Variants in ERCC8 observed in about 807,000 individuals in gnomAD.
ERCC8 encodes ERCC excision repair 8, CSA ubiquitin ligase complex subunit.
In ERCC8, 52 loss-of-function variants were observed where a neutral mutation model predicts 54.9. That is an observed-to-expected ratio of 0.95 (90% CI 0.76 to 1.19). The LOEUF is 1.19. Ranked by LOEUF, ERCC8 falls within the 50% of genes most tolerant of loss-of-function variation. The probability of loss-of-function intolerance (pLI) is 0.00; values close to 1 mark genes in which losing one functional copy is unlikely to be tolerated. For missense variants in ERCC8, 514 were observed against 466.1 expected (o/e 1.10, Z -0.95); for synonymous variants, 146 against 157.2 (o/e 0.93, Z 0.53).
intron 7 of ERCC8, among the ~76,000 whole-genome samples, chr5:60,901,252 C>G (rs4647110): frequency 0.024 from 3,653 of 152,032 alleles, 62 homozygotes; most frequent in Non-Finnish European, 0.037. Context: ...CTCCTACAAG[C>G]CTTTTTGTGA....
At chr5:60,901,117 ATTC>A (rs1035789862) in intron 7 of ERCC8, among the ~76,000 whole-genome samples, 4 of 151,910 alleles carry the variant, frequency 2.6e-5, no homozygotes, top group East Asian at 1.9e-4. Context: ...TTTCGTAATA[ATTC>A]TTCTTCTACT....
intron 10 of ERCC8, among the ~76,000 whole-genome samples, chr5:60,890,327 G>A (rs1748510414): frequency 6.6e-6 from 1 of 152,146 alleles, no homozygotes; most frequent in Admixed American, 6.5e-5. Flanking sequence ...ATTTAAAGAA[G>A]TGCATGAGGT....
chr5:60,906,958 C>T (rs1395915426), intron 4 of ERCC8, among the ~76,000 whole-genome samples: 1 of 152,042 alleles, frequency 6.6e-6, no homozygotes, highest in African/African-American at 2.4e-5. Context: ...TATTTGTGTC[C>T]AAAACCTACT....
chr5:60,928,915 A>G lies in ERCC8; in HGVS notation c.122T>C (p.Ile41Thr). 2 of 1,609,934 alleles carry G rather than the reference A, an allele frequency of 1.2e-6. No homozygotes were observed. The highest frequency in any genetic ancestry group is 1.7e-6 in the Non-Finnish European group (2 of 1,177,222). ...ELNKDRDVER[I>T]HGGGINTLDI... ...AAGGGTGTTAATTCCACCGCCGTGGATTCTTTCAACATCTCTGTCTTTATT... is the reference window on the plus strand; with the variant it reads ...AAGGGTGTTAATTCCACCGCCGTGGGTTCTTTCAACATCTCTGTCTTTATT... Residue 41 changes from isoleucine to threonine, a missense_variant, in exon 2 of 12, where the codon ATC becomes ACC. Ile to Thr is a moderately conservative substitution (Grantham distance 89, BLOSUM62 -1). Coordinates refer to ENST00000676185, the MANE Select transcript of ERCC8 (RefSeq NM_000082.4).
At position 60,934,867 on chromosome 5, in the gene ERCC8, T is replaced by C. The variant is rs138752856; in HGVS notation, c.78-5908A>G. On this transcript the variant is annotated intron_variant, in intron 1 of 11. Transcript: ENST00000676185. ...TTTGTTTGCTTTGCTGAAGATCAGC[T>C]AGCTGTAAGTATTTGGCTCTACTTG... Among the ~76,000 whole-genome samples the C allele has an allele frequency of 8.5e-5, 13 of 152,356 alleles. No homozygotes were observed. The East Asian group carries it at 2.5e-3, about 29-fold the overall frequency.
intron 11 of ERCC8, among the ~76,000 whole-genome samples, chr5:60,875,458 A>G (rs1274507406): frequency 6.6e-6 from 1 of 152,212 alleles, no homozygotes; most frequent in African/African-American, 2.4e-5. Context: ...TGGTATTTCA[A>G]ATCAGTTCAT....
At chr5:60,938,040 C>T (rs1317558150) in intron 1 of ERCC8, among the ~76,000 whole-genome samples, 62 of 32,420 alleles carry the variant, frequency 1.9e-3, no homozygotes, top group African/African-American at 3.2e-3. Context: ...TACATACATA[C>T]ATACATACAT....
At position 60,903,667 on chromosome 5, in the gene ERCC8, G is replaced by A. The variant is rs1328436306; in HGVS notation, c.531C>T (p.Ser177=). Residue 177 remains serine (S), a synonymous_variant, in exon 6 of 12, where the codon TCC becomes TCT. Transcript: ENST00000676185. ...KVQLCDLKSG[S]CSHILQGHRQ... ...AAATACCCTGTAGAATGTGAGAACA[G>A]GATCCAGACTTCAAGTCACAAAGTT... 1 of 1,612,706 alleles carries A rather than the reference G, an allele frequency of 6.2e-7. No individual in the cohort carries two copies. Among genetic ancestry groups the A allele is most frequent in the Admixed American group, 1.7e-5 (1 of 59,952 alleles).
At chr5:60,919,761 C>T (rs933191573) in intron 3 of ERCC8, among the ~76,000 whole-genome samples, 14 of 151,870 alleles carry the variant, frequency 9.2e-5, no homozygotes, top group African/African-American at 3.4e-4. Context: ...GGTGTGGTAA[C>T]TAAATCAACT....
chr5:60,908,978 A>C (rs1749164182), intron 4 of ERCC8, among the ~76,000 whole-genome samples: 1 of 152,114 alleles, frequency 6.6e-6, no homozygotes, highest in South Asian at 2.1e-4. Context: ...ATGACTTTTA[A>C]AAAGCAAAGT....
At chr5:60,876,994 TG>T (rs1174179145) in intron 11 of ERCC8, among the ~76,000 whole-genome samples, 16 of 152,318 alleles carry the variant, frequency 1.1e-4, no homozygotes, top group African/African-American at 3.8e-4. Context: ...GGTTTTCTTC[TG>T]GGGTTTTTAT....
intron 4 of ERCC8, among the ~76,000 whole-genome samples, chr5:60,908,823 T>G (rs947537388): frequency 1.3e-5 from 2 of 151,998 alleles, no homozygotes; most frequent in East Asian, 1.9e-4. Context: ...AAAAGAAAAT[T>G]TGTGATGCTG....
At chr5:60,935,601 C>A (rs1205270343) in intron 1 of ERCC8, among the ~76,000 whole-genome samples, 3 of 152,092 alleles carry the variant, frequency 2.0e-5, no homozygotes, top group African/African-American at 4.8e-5. Context: ...AAGTGGGCAT[C>A]CTTGTCTTGT....
chr5:60,874,726 T>C (rs1462744754), intron 11 of ERCC8, 43 bp from the exon 12 acceptor site: 2 of 1,521,576 alleles, frequency 1.3e-6, no homozygotes, highest in East Asian at 2.3e-5. Flanking sequence ...TTCTGTTTTT[T>C]CTACTTCATA....
intron 1 of ERCC8, 21 bp downstream of exon 1, chr5:60,944,911 A>C: frequency 1.3e-6 from 2 of 1,599,010 alleles, no homozygotes; most frequent in Non-Finnish European, 1.7e-6. Context: ...CCTGTTAGCC[A>C]AAAAGTAAGG....
At chr5:60,941,397 G>T (rs575722143) in intron 1 of ERCC8, among the ~76,000 whole-genome samples, 2 of 152,156 alleles carry the variant, frequency 1.3e-5, no homozygotes, top group Admixed American at 1.3e-4. Flanking sequence ...AAAAAAGATC[G>T]AAGGGAAAAA....
intron 11 of ERCC8, among the ~76,000 whole-genome samples, chr5:60,886,470 G>C (rs183292826): frequency 1.8e-4 from 28 of 152,200 alleles, no homozygotes; most frequent in African/African-American, 5.5e-4. Context: ...GGGAGGCCAA[G>C]GCAGGTGGAT....
intron 1 of ERCC8, among the ~76,000 whole-genome samples, chr5:60,939,092 T>C (rs1750178832): frequency 1.3e-5 from 2 of 152,228 alleles, no homozygotes; most frequent in Non-Finnish European, 2.9e-5. Context: ...ACATCTGATA[T>C]ACTTGGTATT....
chr5:60,945,055 G>T lies in ERCC8; in HGVS notation c.-47C>A. 6.5e-7 allele frequency: 1 copy of T among 1,544,952 alleles called. No individual in the cohort carries two copies. The highest frequency in any genetic ancestry group is 9.0e-7 in the Non-Finnish European group (1 of 1,116,986). ...GAGCACTGGACGTCGCCATGACAGA[G>T]CTCAGGGGCGGGACTGGAACAGCAG... On this transcript the variant is annotated 5_prime_UTR_variant, in exon 1 of 12. Coordinates refer to ENST00000676185, the MANE Select transcript of ERCC8 (RefSeq NM_000082.4).
Sources: gnomAD v4.1 joint callset for allele counts (sites outside exome capture counted in the v4.1 genomes callset) on GRCh38, gnomAD v4.1.1 for gene constraint, MANE v1.5 for transcripts, NCBI Gene and HGNC (gene_info 2026-07-23, HGNC 2026-07-21) for gene names.